The following SMYD3 variants were observed in gnomAD, a reference collection of about 807,000 sequenced individuals.
The protein encoded by SMYD3 is histone-lysine N-methyltransferase SMYD3.
A neutral mutation model predicts 57.7 loss-of-function variants in SMYD3; 36 were observed. The ratio of observed to expected loss-of-function variants is 0.62; its 90% CI spans 0.48 to 0.82. The LOEUF (loss-of-function observed/expected upper bound fraction) is 0.82. Ranked by LOEUF, SMYD3 falls within the 40% of genes least tolerant of loss-of-function variation. The pLI is 0.00. For synonymous variants in SMYD3, 211 were observed against 195.0 expected, an observed-to-expected ratio of 1.08 and a Z score of -0.68; for missense variants, 515 against 538.8, an observed-to-expected ratio of 0.96 and a Z score of 0.44.
At position 245,781,913 on chromosome 1, in the gene SMYD3, G is replaced by A. The variant is rs192053629; in HGVS notation, c.1077-17764C>T. ...GAACCTGGGAGGCAGAAGTTATAGC[G>A]AGACAAGATTGTGCCACTGCACTCT... On this transcript the variant is annotated intron_variant, in intron 10 of 11. Transcript: ENST00000490107. Among the ~76,000 whole-genome samples, 26 of 152,228 alleles carry A rather than the reference G, an allele frequency of 1.7e-4. No homozygotes were observed. The East Asian group carries it at 4.8e-3, about 28-fold the overall frequency.
intron 8 of SMYD3, among the ~76,000 whole-genome samples, chr1:245,889,379 G>A (rs1311764625): frequency 2.0e-5 from 3 of 152,268 alleles, no homozygotes; most frequent in Middle Eastern, 3.4e-3. Context: ...TGACACTGGA[G>A]GGGCCAACTA....
intron 5 of SMYD3, among the ~76,000 whole-genome samples, chr1:246,242,985 C>G (rs1015938997): frequency 6.6e-6 from 1 of 152,146 alleles, no homozygotes; most frequent in Non-Finnish European, 1.5e-5. Flanking sequence ...GAGACTTAGA[C>G]TCCCACACAA....
chr1:245,908,006 C>T (rs539493913), intron 8 of SMYD3, among the ~76,000 whole-genome samples: 2 of 152,134 alleles, frequency 1.3e-5, no homozygotes, highest in South Asian at 2.1e-4. Flanking sequence ...CGTGGTGGCT[C>T]GTGCCTGTAA....
intron 5 of SMYD3, among the ~76,000 whole-genome samples, chr1:245,942,871 C>G (rs2057298517): frequency 6.6e-6 from 1 of 152,158 alleles, no homozygotes; most frequent in African/African-American, 2.4e-5. Context: ...GAACAATGTG[C>G]TCCTGAATGA....
chr1:245,908,128 C>T (rs886434075), intron 8 of SMYD3, among the ~76,000 whole-genome samples: 2 of 150,874 alleles, frequency 1.3e-5, no homozygotes, highest in Non-Finnish European at 3.0e-5. Context: ...GAGTGAGACT[C>T]CATCTCAAAA....
At chr1:246,452,415 T>A (rs2067645681) in intron 1 of SMYD3, among the ~76,000 whole-genome samples, 2 of 152,232 alleles carry the variant, frequency 1.3e-5, no homozygotes, top group South Asian at 4.1e-4. Flanking sequence ...GGCACGAGAA[T>A]CGTTTGAACT....
intron 1 of SMYD3, among the ~76,000 whole-genome samples, chr1:246,453,564 G>C (rs1264970029): frequency 6.6e-6 from 1 of 152,144 alleles, no homozygotes; most frequent in Non-Finnish European, 1.5e-5. Context: ...TTACAACCCT[G>C]CTGGTTTATC....
intron 1 of SMYD3, among the ~76,000 whole-genome samples, chr1:246,413,164 AT>A (rs1431620378): frequency 6.6e-6 from 1 of 152,216 alleles, no homozygotes; most frequent in African/African-American, 2.4e-5. Flanking sequence ...TGTGCTAAGT[AT>A]CTCATTTAGT....
chr1:245,976,572 C>CTATGTTATTGTGA, intron 5 of SMYD3, among the ~76,000 whole-genome samples: 1 of 14,684 alleles, frequency 6.8e-5, no homozygotes, highest in Non-Finnish European at 1.7e-4. Context: ...CGTCTCCGGC[C>CTATGTTATTGTGA]CAGGGAAAGC....
chr1:245,932,226 T>C (rs1439468276), intron 5 of SMYD3, among the ~76,000 whole-genome samples: 1 of 152,202 alleles, frequency 6.6e-6, no homozygotes, highest in Non-Finnish European at 1.5e-5. Flanking sequence ...TCCTGGACTA[T>C]GAAGCAAATT....
At chr1:246,405,966 G>A (rs980525015) in intron 1 of SMYD3, among the ~76,000 whole-genome samples, 9 of 151,672 alleles carry the variant, frequency 5.9e-5, no homozygotes, top group East Asian at 3.9e-4. Flanking sequence ...AGAATTAGAC[G>A]GTTTGAGCCT....
chr1:246,296,456 G>A (rs1337247244), intron 5 of SMYD3, among the ~76,000 whole-genome samples: 1 of 152,144 alleles, frequency 6.6e-6, no homozygotes, highest in Non-Finnish European at 1.5e-5. Flanking sequence ...CTACATTCAT[G>A]ACAGAAGAAA....
At chr1:246,029,906 A>G (rs1458790769) in intron 5 of SMYD3, among the ~76,000 whole-genome samples, 2 of 151,952 alleles carry the variant, frequency 1.3e-5, no homozygotes, top group African/African-American at 4.8e-5. Context: ...GCAAATAGGT[A>G]CAGCCACTGT....
intron 5 of SMYD3, among the ~76,000 whole-genome samples, chr1:245,968,996 G>A (rs560685154): frequency 6.6e-6 from 1 of 152,262 alleles, no homozygotes; most frequent in South Asian, 2.1e-4. Context: ...GATTACCACT[G>A]TGTCCTGTGG....
chr1:246,349,793 G>A (rs1482226473), intron 2 of SMYD3, among the ~76,000 whole-genome samples: 4 of 152,090 alleles, frequency 2.6e-5, no homozygotes, highest in South Asian at 2.1e-4. Flanking sequence ...ATGTTCTAAT[G>A]AAGAGAAAAG....
chr1:246,349,447 A>C lies in SMYD3; in HGVS notation c.228+5584T>G, dbSNP rs1220665500. On this transcript the variant is annotated intron_variant, in intron 2 of 11. Coordinates refer to ENST00000490107, the MANE Select transcript of SMYD3 (RefSeq NM_001167740.2). The stretch of plus-strand genomic sequence containing the variant: ...TAGTGAAATCCCATCCCCACACAAA[A>C]TACAAAAAGTAGCCAGGCATGGTAG... Among the ~76,000 whole-genome samples the C allele has an allele frequency of 2.0e-5, 3 of 152,062 alleles. No homozygotes were observed. The East Asian group carries it at 5.8e-4, about 29-fold the overall frequency.
At chr1:246,026,193 A>C (rs970846809) in intron 5 of SMYD3, 2 of 152,186 alleles carry the variant, frequency 1.3e-5, no homozygotes, top group African/African-American at 4.8e-5. Flanking sequence ...TACCAGAAAA[A>C]AAGTTTCTCT....
At chr1:245,813,522 A>G (rs1233640967) in intron 10 of SMYD3, among the ~76,000 whole-genome samples, 1 of 152,176 alleles carries the variant, frequency 6.6e-6, no homozygotes, top group Non-Finnish European at 1.5e-5. Flanking sequence ...ACCTAAGGGC[A>G]TTGAGAAAGG....
At chr1:246,397,396 A>C (rs2066690646) in intron 1 of SMYD3, among the ~76,000 whole-genome samples, 1 of 152,152 alleles carries the variant, frequency 6.6e-6, no homozygotes, top group African/African-American at 2.4e-5. Context: ...CTGCTGGTAC[A>C]TCATATATTA....
Sources: gnomAD v4.1 joint callset for allele counts (sites outside exome capture counted in the v4.1 genomes callset) on GRCh38, gnomAD v4.1.1 for gene constraint, MANE v1.5 for transcripts, NCBI Gene and HGNC (gene_info 2026-07-23, HGNC 2026-07-21) for gene names.